MYO16: variants seen among roughly 807,000 people sequenced by gnomAD.
The protein encoded by MYO16 is myosin XVI.
A neutral mutation model predicts 205.3 loss-of-function variants in MYO16; 94 were observed. The observed-to-expected ratio is 0.46, with a 90% CI of 0.39 to 0.54. The LOEUF (loss-of-function observed/expected upper bound fraction) is 0.54, where lower values mean the gene tolerates loss of function less well. Among genes scored for constraint, MYO16 ranks in the 20% least tolerant of loss-of-function variants. The probability of loss-of-function intolerance (pLI) is 0.00; values close to 1 mark genes in which losing one functional copy is unlikely to be tolerated. For missense variants in MYO16, 2,315 were observed against 2,387.5 expected (o/e 0.97, Z 0.63); for synonymous variants, 988 against 954.0 (o/e 1.04, Z -0.66).
intron 15 of MYO16, among the ~76,000 whole-genome samples, chr13:108,899,757 A>G (rs1272015948): frequency 2.0e-5 from 3 of 152,202 alleles, no homozygotes; most frequent in African/African-American, 7.2e-5. Flanking sequence ...AGTGGATAGA[A>G]GTTCTCCAAA....
intron 11 of MYO16, among the ~76,000 whole-genome samples, chr13:108,861,179 A>G (rs1249030179): frequency 6.6e-6 from 1 of 152,216 alleles, no homozygotes; most frequent in African/African-American, 2.4e-5. Context: ...ATAATGTAAT[A>G]GAAGAGAGAA....
At chr13:108,528,745 C>T in the MYO16 span, among the ~76,000 whole-genome samples, 1 of 130,348 alleles carries the variant, frequency 7.7e-6, no homozygotes, top group African/African-American at 2.9e-5. Flanking sequence ...CCTCCCCTCA[C>T]CTCCCCTTTG....
chr13:109,128,670 A>G (rs975166982), intron 31 of MYO16, among the ~76,000 whole-genome samples: 2 of 151,826 alleles, frequency 1.3e-5, no homozygotes, highest in African/African-American at 4.8e-5. Flanking sequence ...TTTGAAGTAT[A>G]TGTACATTGT....
chr13:108,540,726 A>G, the MYO16 span, among the ~76,000 whole-genome samples: 1 of 152,100 alleles, frequency 6.6e-6, no homozygotes, highest in Non-Finnish European at 1.5e-5. Flanking sequence ...TCACCATAAC[A>G]TGAGTGCTGC....
chr13:108,996,342 A>C (rs910123374), intron 21 of MYO16, among the ~76,000 whole-genome samples: 5 of 152,218 alleles, frequency 3.3e-5, no homozygotes, highest in African/African-American at 7.2e-5. Context: ...GCACCTGTAG[A>C]TTAAAACCTA....
At chr13:108,954,398 T>C (rs888226151) in intron 16 of MYO16, among the ~76,000 whole-genome samples, 6 of 152,184 alleles carry the variant, frequency 3.9e-5, no homozygotes, top group African/African-American at 1.4e-4. Context: ...AGAAACCTGC[T>C]GCGAGGACCA....
chr13:108,759,250 G>C (rs1885518075), intron 4 of MYO16, among the ~76,000 whole-genome samples: 1 of 152,158 alleles, frequency 6.6e-6, no homozygotes, highest in African/African-American at 2.4e-5. Flanking sequence ...CAGAATTATG[G>C]AATTCTATGT....
intron 16 of MYO16, among the ~76,000 whole-genome samples, chr13:108,951,455 G>A (rs1052465455): frequency 6.6e-6 from 1 of 152,182 alleles, no homozygotes. Context: ...TTGGCTGGAC[G>A]CCTTCCCCAG....
At chr13:108,725,281 T>C (rs890961454) in intron 3 of MYO16, among the ~76,000 whole-genome samples, 1 of 152,242 alleles carries the variant, frequency 6.6e-6, no homozygotes, top group African/African-American at 2.4e-5. Context: ...TTTGTTTCCA[T>C]TATCAATTTT....
At chr13:108,537,796 G>T in the MYO16 span, among the ~76,000 whole-genome samples, 3 of 151,840 alleles carry the variant, frequency 2.0e-5, no homozygotes, top group East Asian at 3.9e-4. Context: ...TTTTCCACTT[G>T]TATGTCTTTT....
intron 1 of MYO16, among the ~76,000 whole-genome samples, chr13:108,632,109 C>T (rs1256551858): frequency 1.3e-5 from 2 of 148,908 alleles, no homozygotes; most frequent in African/African-American, 4.9e-5. Context: ...AGAGTGAATG[C>T]CCTCATGGTA....
chr13:108,995,401 A>G (rs1003925060), intron 21 of MYO16, among the ~76,000 whole-genome samples: 1 of 152,208 alleles, frequency 6.6e-6, no homozygotes, highest in Admixed American at 6.5e-5. Flanking sequence ...CATTCAGACC[A>G]TAGCAGAATT....
In MYO16 at chr13:108,910,104, G is replaced by A. The variant is rs764078596; in HGVS notation, c.1879G>A (p.Ala627Thr). The change falls in exon 16 of 35, where the codon GCT becomes ACT. Residue 627 changes from alanine (A) to threonine (T), a missense_variant. Ala to Thr is a moderately conservative substitution (Grantham distance 58, BLOSUM62 0). Around this residue, in one of 3 missense-constraint regions of MYO16, gnomAD observed 1,213 missense variants for 1,274.4 expected, o/e 0.95. Transcript: ENST00000457511. The part of the protein sequence containing the change: ...IFYLLMDGLS[A>T]EEKYGLHLNN... ...CTACTTGTTGATGGATGGGTTATCT[G>A]CTGAAGAAAAATATGGACTTCATCT... is the stretch of plus-strand genomic sequence containing the variant. 17 of 1,613,248 alleles carry A rather than the reference G, an allele frequency of 1.1e-5. No individual in the cohort carries two copies. The highest frequency in any genetic ancestry group is 1.4e-5 in the Non-Finnish European group (17 of 1,179,524).
intron 7 of MYO16, among the ~76,000 whole-genome samples, chr13:108,819,123 AG>A (rs1875808303): frequency 6.6e-6 from 1 of 152,204 alleles, no homozygotes; most frequent in East Asian, 1.9e-4. Flanking sequence ...TATATCCTGA[AG>A]AAAGTATTGT....
intron 16 of MYO16, among the ~76,000 whole-genome samples, chr13:108,956,487 A>C (rs1372909371): frequency 6.6e-6 from 1 of 151,624 alleles, no homozygotes; most frequent in African/African-American, 2.4e-5. Flanking sequence ...CAAGGCCCTC[A>C]GAGCTGCCTG....
At chr13:108,893,091 T>A (rs536826271) in intron 14 of MYO16, among the ~76,000 whole-genome samples, 7 of 152,246 alleles carry the variant, frequency 4.6e-5, no homozygotes, top group Non-Finnish European at 1.0e-4. Flanking sequence ...TTAAATTCCA[T>A]GTCAGCTGTG....
intron 10 of MYO16, among the ~76,000 whole-genome samples, chr13:108,850,290 G>A (rs9301327): frequency 0.22 from 32,949 of 152,172 alleles, 3,735 homozygotes; most frequent in South Asian, 0.29. Flanking sequence ...ACAAGCAAAC[G>A]CAAGACAACA....
chr13:108,855,039 T>G (rs1454309901), intron 10 of MYO16, among the ~76,000 whole-genome samples: 1 of 152,128 alleles, frequency 6.6e-6, no homozygotes, highest in African/African-American at 2.4e-5. Context: ...ACATGAAAAG[T>G]TTTGCTTTAG....
intron 33 of MYO16, among the ~76,000 whole-genome samples, chr13:109,173,954 G>GT (rs574953180): frequency 6.8e-6 from 1 of 147,590 alleles, no homozygotes; most frequent in Non-Finnish European, 1.5e-5. Flanking sequence ...TGATGGGGGG[G>GT]GGTACTCTCT....
Sources: allele counts gnomAD v4.1 joint callset (sites outside exome capture counted in the v4.1 genomes callset), GRCh38; gene constraint gnomAD v4.1.1; regional missense constraint gnomAD v4.1.1; transcripts MANE v1.5; gene names NCBI Gene and HGNC (gene_info 2026-07-23, HGNC 2026-07-21).